The following CDC45 variants were observed in gnomAD, a reference collection of about 807,000 sequenced individuals.
CDC45 encodes the protein cell division cycle 45, also known as cell division control protein 45 homolog.
In CDC45, 54 loss-of-function variants were observed where a neutral mutation model predicts 77.8. The ratio of observed to expected loss-of-function variants is 0.69; its 90% CI spans 0.56 to 0.87. The LOEUF is 0.87. CDC45 is among the 40% of genes least tolerant of loss of function. The pLI is 0.00. For synonymous variants in CDC45, 260 were observed against 272.1 expected, an observed-to-expected ratio of 0.96 and a Z score of 0.44; for missense variants, 649 against 721.6, an observed-to-expected ratio of 0.90 and a Z score of 1.15.
chr22:19,507,404 C>T lies in CDC45; in HGVS notation c.843C>T (p.Tyr281=). Residue 281 remains tyrosine, a synonymous_variant, in exon 11 of 19, where the codon TAC becomes TAT. Transcript: ENST00000263201. ...GGCCCAGCCTCCGCCTGGTGCTCTA[C>T]CAGCACTGGTCCCTCCATGACAGCC... ...SFEYDLRLVL[Y]QHWSLHDSLC... is the part of the protein sequence containing the mutation. 2 of 1,614,046 alleles carry T rather than the reference C, an allele frequency of 1.2e-6. No individual in the cohort carries two copies. The highest frequency in any genetic ancestry group is 1.7e-6 in the Non-Finnish European group (2 of 1,180,018).
intron 18 of CDC45, 83 bp downstream of exon 18, chr22:19,518,992 C>G: frequency 1.9e-6 from 2 of 1,038,762 alleles, no homozygotes; most frequent in Non-Finnish European, 3.0e-6. Context: ...CCTCCCTCAA[C>G]GGAGGCTTCT....
At chr22:19,481,357 T>C (rs2089979653) in intron 3 of CDC45, among the ~76,000 whole-genome samples, 1 of 152,174 alleles carries the variant, frequency 6.6e-6, no homozygotes, top group Admixed American at 6.5e-5. Context: ...AAAATTATTT[T>C]ATTTTATTTT....
At chr22:19,500,969 G>C (rs533085385) in intron 9 of CDC45, among the ~76,000 whole-genome samples, 13 of 152,244 alleles carry the variant, frequency 8.5e-5, no homozygotes, top group Non-Finnish European at 1.3e-4. Flanking sequence ...CTGAGGTCAG[G>C]AGTTCGAGAC....
intron 13 of CDC45, among the ~76,000 whole-genome samples, chr22:19,512,169 A>T (rs966521008): frequency 4.6e-5 from 7 of 152,102 alleles, no homozygotes; most frequent in African/African-American, 1.4e-4. Context: ...CTTATACTTT[A>T]CCAGGCTCCC....
At chr22:19,499,765 C>A (rs1315371981) in intron 9 of CDC45, among the ~76,000 whole-genome samples, 1 of 152,198 alleles carries the variant, frequency 6.6e-6, no homozygotes, top group Non-Finnish European at 1.5e-5. Flanking sequence ...GTGGCCCAAC[C>A]TTCTCTAGTG....
chr22:19,518,770 G>A (rs1405922788), intron 17 of CDC45, 74 bp from the exon 18 acceptor site: 60 of 1,193,260 alleles, frequency 5.0e-5, no homozygotes, highest in Admixed American at 8.4e-5. Flanking sequence ...GGCAGGCAGC[G>A]GAGGGGAGTT....
intron 5 of CDC45, among the ~76,000 whole-genome samples, chr22:19,487,292 CAAAA>C (rs754969437): frequency 5.0e-5 from 3 of 59,508 alleles, no homozygotes; most frequent in African/African-American, 6.0e-5. Context: ...ACTCTTGTCT[CAAAA>C]AAAAAAAAAA....
At chr22:19,490,329 C>T (rs2146353828) in intron 5 of CDC45, among the ~76,000 whole-genome samples, 1 of 151,868 alleles carries the variant, frequency 6.6e-6, no homozygotes, top group African/African-American at 2.4e-5. Context: ...TTTCTGTTTC[C>T]TGGTCTCTGT....
intron 13 of CDC45, 71 bp downstream of exon 13, chr22:19,508,762 ACG>A: frequency 1.4e-6 from 2 of 1,478,460 alleles, no homozygotes; most frequent in Non-Finnish European, 1.9e-6. Flanking sequence ...GAGGTCAGTT[ACG>A]GGGACCCCAG....
At chr22:19,479,567 A>G (rs1447512248), upstream of CDC45, 1 of 573,562 alleles carries the variant, frequency 1.7e-6, no homozygotes, top group South Asian at 1.5e-5. Flanking sequence ...ATGCTGCCCC[A>G]TTGGGTATGT....
chr22:19,480,989 G>A lies in CDC45; in HGVS notation c.148G>A (p.Val50Ile), dbSNP rs543330227. The A allele has an allele frequency of 2.5e-6, 4 of 1,613,604 alleles. No individual in the cohort carries two copies. Among genetic ancestry groups the A allele is most frequent in the African/African-American group, 1.3e-5 (1 of 75,020 alleles). ...FQCDHVQYTL[V>I]PVSGWQELET... is the part of the protein sequence containing the mutation. ...GTGTGACCACGTGCAATATACGCTG[G>A]TTCCAGTTTCTGGGTGGCAAGAACT... The change falls in exon 3 of 19, where the codon GTT becomes ATT. Residue 50 changes from valine to isoleucine, a missense_variant. Transcript: ENST00000263201.
chr22:19,496,459 C>CT (rs2090245010), intron 7 of CDC45, among the ~76,000 whole-genome samples: 1 of 152,144 alleles, frequency 6.6e-6, no homozygotes, highest in African/African-American at 2.4e-5. Context: ...AGCTCAAGGC[C>CT]TTAAGGAGCC....
At chr22:19,510,223 T>C (rs1933438831) in intron 13 of CDC45, among the ~76,000 whole-genome samples, 1 of 152,192 alleles carries the variant, frequency 6.6e-6, no homozygotes, top group Non-Finnish European at 1.5e-5. Flanking sequence ...CCTCCCAAAG[T>C]GCTGGGAGGA....
At chr22:19,510,080 G>T (rs1205585352) in intron 13 of CDC45, among the ~76,000 whole-genome samples, 1 of 152,118 alleles carries the variant, frequency 6.6e-6, no homozygotes, top group Non-Finnish European at 1.5e-5. Context: ...TCCTACCTCA[G>T]CCTCTTGAGT....
Position 19,514,860 on chromosome 22 carries a change from G to C in CDC45, c.1329G>C (p.Gly443=). 1.9e-6 allele frequency: 3 copies of C among 1,614,204 alleles called. No individual in the cohort carries two copies. The highest frequency in any genetic ancestry group is 2.5e-6 in the Non-Finnish European group (3 of 1,180,044). The change falls in exon 14 of 19, where the codon GGG becomes GGC. Residue 443 remains glycine (G), a synonymous_variant. Coordinates refer to ENST00000263201, the MANE Select transcript of CDC45 (RefSeq NM_003504.5). ...GCACCAACCTCGTCATCTCCCAGGG[G>C]CCTTTCCTGTACTGCTCTCTCATGG... The part of the protein sequence containing the change: ...CLCTNLVISQ[G]PFLYCSLMEG...
intron 5 of CDC45, among the ~76,000 whole-genome samples, chr22:19,489,787 A>G (rs1275043846): frequency 6.6e-6 from 1 of 152,222 alleles, no homozygotes; most frequent in African/African-American, 2.4e-5. Flanking sequence ...TAGAAATGTC[A>G]CTTACATACT....
chr22:19,479,699 T>C (rs2089940172), upstream of CDC45: 3 of 695,146 alleles, frequency 4.3e-6, no homozygotes, highest in Non-Finnish European at 5.4e-6. Flanking sequence ...TAAAAGCGAG[T>C]CAGAGTTGAA....
chr22:19,518,525 G>A (rs144877519), intron 17 of CDC45, among the ~76,000 whole-genome samples: 171 of 152,308 alleles, frequency 1.1e-3, no homozygotes, highest in Non-Finnish European at 1.7e-3. Context: ...CTCTGGGGAC[G>A]GGGGTTCATG....
At chr22:19,507,696 G>A in intron 11 of CDC45, 70 bp from the exon 12 acceptor site, 1 of 1,413,966 alleles carries the variant, frequency 7.1e-7, no homozygotes, top group South Asian at 1.2e-5. Context: ...CTTGCCCTTG[G>A]TTTGGGTTTC....
Sources: gnomAD v4.1 joint callset for allele counts (sites outside exome capture counted in the v4.1 genomes callset) on GRCh38, gnomAD v4.1.1 for gene constraint, MANE v1.5 for transcripts, NCBI Gene and HGNC (gene_info 2026-07-23, HGNC 2026-07-21) for gene names.